ASXL2: variants seen among roughly 807,000 people sequenced by gnomAD.
ASXL2 encodes putative Polycomb group protein ASXL2.
A neutral mutation model predicts 122.0 loss-of-function variants in ASXL2; 23 were observed. The observed-to-expected ratio is 0.19, with a 90% CI of 0.14 to 0.27. ASXL2 has a LOEUF of 0.27. ASXL2 is among the 10% of genes least tolerant of loss of function. The pLI, the probability that ASXL2 is intolerant of heterozygous loss-of-function variation, is 1.00. For synonymous variants in ASXL2, 650 were observed against 637.0 expected, an observed-to-expected ratio of 1.02 and a Z score of -0.31; for missense variants, 1,518 against 1,713.8, an observed-to-expected ratio of 0.89 and a Z score of 2.02.
chr2:25,762,998 A>C (rs1485943418), intron 8 of ASXL2, among the ~76,000 whole-genome samples: 1 of 152,238 alleles, frequency 6.6e-6, no homozygotes, highest in Non-Finnish European at 1.5e-5. Flanking sequence ...CGATAAGGTA[A>C]ATAAATATTC....
At chr2:25,849,452 CAAAAA>C (rs34833277) in intron 1 of ASXL2, among the ~76,000 whole-genome samples, 10 of 70,652 alleles carry the variant, frequency 1.4e-4, no homozygotes, top group Non-Finnish European at 2.7e-4. Flanking sequence ...GACTCTGACT[CAAAAA>C]AAAAAAAAAA....
chr2:25,799,670 T>C, intron 4 of ASXL2, 135 bp from the exon 5 acceptor site: 1 of 1,056,168 alleles, frequency 9.5e-7, no homozygotes, highest in South Asian at 1.7e-5. Flanking sequence ...GAACCAGCAA[T>C]ATTTTCTGAA....
intron 5 of ASXL2, among the ~76,000 whole-genome samples, chr2:25,794,222 CAGTGA>C (rs1365861508): frequency 1.3e-5 from 2 of 152,128 alleles, no homozygotes; most frequent in African/African-American, 4.8e-5. Flanking sequence ...CTAGAGGAAA[CAGTGA>C]TTCCTTACAG....
chr2:25,778,277 A>G (rs917059692), intron 5 of ASXL2, among the ~76,000 whole-genome samples: 2 of 152,244 alleles, frequency 1.3e-5, no homozygotes. Context: ...AAGTCTCTTC[A>G]TAAGAGATGC....
rs1229651502 is a variant in ASXL2, at chr2:25,768,774, T to C, written c.599A>G (p.Lys200Arg). The C allele has an allele frequency of 7.4e-6, 12 of 1,613,732 alleles. No individual in the cohort carries two copies. Among genetic ancestry groups the C allele is most frequent in the Non-Finnish European group, 1.0e-5 (12 of 1,179,790 alleles). ...SNQHLSLKTV[K>R]AASDSVPAKP... is the part of the protein sequence containing the mutation. Reference sequence around the variant, plus strand: ...GGCAGGTACAGAGTCACTGGCTGCTTTGACAGTCTTTAGTGAGAGATGCTG... The same window carrying C: ...GGCAGGTACAGAGTCACTGGCTGCTCTGACAGTCTTTAGTGAGAGATGCTG... The change falls in exon 7 of 13, where the codon AAA (lysine) becomes AGA (arginine). Residue 200 changes from lysine (K) to arginine (R), a missense_variant. This residue lies in a region of ASXL2 where 198 missense variants were observed against 209.0 expected (regional missense o/e 0.95). Transcript: ENST00000435504.
At chr2:25,753,083 T>C (rs1028577030) in intron 11 of ASXL2, among the ~76,000 whole-genome samples, 1 of 151,814 alleles carries the variant, frequency 6.6e-6, no homozygotes, top group Non-Finnish European at 1.5e-5. Flanking sequence ...TTCTCCTGCC[T>C]CAGCCTCCCA....
chr2:25,849,061 T>TTATATATATA lies in ASXL2; in HGVS notation c.58-3499_58-3498insTATATATATA, dbSNP rs751570430. Among the ~76,000 whole-genome samples, 11 of 6,750 alleles carry TTATATATATA rather than the reference T, an allele frequency of 1.6e-3. 1 individual carries two copies. The highest frequency in any genetic ancestry group is 5.5e-3 in the African/African-American group (11 of 2,006). 4.4% of individuals were successfully genotyped at this position (6,750 alleles called of 152,430 possible). ...ACTCCGTCTCAAAAAAAAAAAAAATTTACATATATATATATGGAATATTTA... is the reference window on the plus strand; with the variant it reads ...ACTCCGTCTCAAAAAAAAAAAAAATTTATATATATATACATATATATATATGGAATATTTA... On this transcript the variant is annotated intron_variant, in intron 1 of 12. Transcript: ENST00000435504.
chr2:25,773,817 G>C, intron 5 of ASXL2, among the ~76,000 whole-genome samples: 1 of 151,660 alleles, frequency 6.6e-6, no homozygotes, highest in East Asian at 1.9e-4. Context: ...GAACACTTGA[G>C]GTTAGGAGTT....
intron 6 of ASXL2, among the ~76,000 whole-genome samples, chr2:25,769,890 T>A (rs557939560): frequency 6.6e-6 from 1 of 152,328 alleles, no homozygotes; most frequent in Non-Finnish European, 1.5e-5. Flanking sequence ...ACAAATGATC[T>A]CCTCACTCTA....
At position 25,850,427 on chromosome 2, in the gene ASXL2, C is replaced by T. The variant is rs546775161; in HGVS notation, c.58-4864G>A. On this transcript the variant is annotated intron_variant, in intron 1 of 12. Transcript: ENST00000435504. ...ACTAGTAAACTGTATTGTAGTTACA[C>T]ACATTCTGTATTTTGCTAATCGTAT... Among the ~76,000 whole-genome samples the T allele has an allele frequency of 5.3e-5, 8 of 152,320 alleles. No individual in the cohort carries two copies. In the East Asian group the frequency reaches 1.2e-3, roughly 22 times the overall value.
intron 2 of ASXL2, among the ~76,000 whole-genome samples, chr2:25,839,501 G>T (rs1450982528): frequency 6.6e-6 from 1 of 151,698 alleles, no homozygotes; most frequent in African/African-American, 2.4e-5. Context: ...ACTACTAAGT[G>T]TAACAGAAAC....
chr2:25,810,030 C>T (rs1051032188), intron 3 of ASXL2: 141 of 549,326 alleles, frequency 2.6e-4, no homozygotes, highest in Non-Finnish European at 4.8e-4. Flanking sequence ...GTTGTCTTTT[C>T]CAGCTTGGCT....
chr2:25,816,793 A>G (rs1012901034), intron 3 of ASXL2, among the ~76,000 whole-genome samples: 4 of 152,236 alleles, frequency 2.6e-5, no homozygotes, highest in Admixed American at 6.5e-5. Context: ...GAAAAATTTT[A>G]TATCTAGCCT....
At position 25,743,862 on chromosome 2, in the gene ASXL2, A is replaced by G. The variant is rs1380266836; in HGVS notation, c.2475T>C (p.Ser825=). 4.3e-6 allele frequency: 7 copies of G among 1,613,888 alleles called. No homozygotes were observed. Among genetic ancestry groups the G allele is most frequent in the Non-Finnish European group, 5.9e-6 (7 of 1,179,894 alleles). ...AAGGTGCTTTCTCCTGTCTGCAACT[A>G]CTGGGCCCTTGTGGATGGCTGACAG... The part of the protein sequence containing the change: ...VASVSHPQGP[S]SCRQEKAPSP... Residue 825 remains serine (S), a synonymous_variant, in exon 13 of 13, where the codon AGT becomes AGC. Transcript: ENST00000435504.
rs183021645 is a variant in ASXL2, at chr2:25,833,553, G to A, written c.143+1985C>T. Among the ~76,000 whole-genome samples the A allele has an allele frequency of 1.2e-4, 19 of 152,222 alleles. No individual in the cohort carries two copies. The East Asian group carries it at 1.5e-3, about 12-fold the overall frequency. ...CTATTAAAAATACAAAAAATTAGCT[G>A]GGCGTGGTAGCGTGCGCCTGTAATC... On this transcript the variant is annotated intron_variant, in intron 3 of 12. Transcript: ENST00000435504.
intron 5 of ASXL2, chr2:25,780,431 T>C (rs2149161111): frequency 6.6e-6 from 1 of 152,360 alleles, no homozygotes; most frequent in South Asian, 2.1e-4. Flanking sequence ...TTTTGGGTTG[T>C]TTCTGGTCTT....
intron 5 of ASXL2, among the ~76,000 whole-genome samples, chr2:25,783,505 CA>C (rs1055969157): frequency 1.0e-4 from 13 of 129,830 alleles, no homozygotes; most frequent in Non-Finnish European, 1.5e-4. Flanking sequence ...TAATTTCCAC[CA>C]TTTTTTTTAT....
intron 4 of ASXL2, among the ~76,000 whole-genome samples, chr2:25,805,599 A>C (rs1197107431): frequency 6.6e-6 from 1 of 151,966 alleles, no homozygotes; most frequent in Admixed American, 6.5e-5. Flanking sequence ...GAATGCTCCA[A>C]AGAAACAATT....
chr2:25,798,124 G>C (rs1183711168), intron 5 of ASXL2, among the ~76,000 whole-genome samples: 3 of 152,138 alleles, frequency 2.0e-5, no homozygotes, highest in Non-Finnish European at 2.9e-5. Flanking sequence ...TAAATGATGA[G>C]AATACATGAC....
Sources: gnomAD v4.1 joint callset for allele counts (sites outside exome capture counted in the v4.1 genomes callset) on GRCh38, gnomAD v4.1.1 for gene constraint, gnomAD v4.1.1 regional missense constraint, MANE v1.5 for transcripts, NCBI Gene and HGNC (gene_info 2026-07-23, HGNC 2026-07-21) for gene names.